The following NUP210 variants were observed in gnomAD, a reference collection of about 807,000 sequenced individuals.
The protein encoded by NUP210 is nucleoporin 210.
A neutral mutation model predicts 196.0 loss-of-function variants in NUP210; 151 were observed. The observed-to-expected ratio is 0.77, with a 90% CI of 0.67 to 0.88. NUP210 has a LOEUF of 0.88. NUP210 is among the 40% of genes least tolerant of loss of function. NUP210 has a pLI of 0.00. For synonymous variants in NUP210, 1,070 were observed against 1,052.7 expected, an observed-to-expected ratio of 1.02 and a Z score of -0.32; for missense variants, 2,314 against 2,493.7, an observed-to-expected ratio of 0.93 and a Z score of 1.53.
At chr3:13,352,867 G>A (rs1229992318) in intron 18 of NUP210, among the ~76,000 whole-genome samples, 2 of 152,006 alleles carry the variant, frequency 1.3e-5, no homozygotes, top group African/African-American at 2.4e-5. Flanking sequence ...GCAAGGGAGA[G>A]CAGCTCTCAG....
Position 13,386,394 on chromosome 3 carries a change from G to C in NUP210, c.698C>G (p.Ala233Gly), listed in dbSNP as rs777300280. The C allele has an allele frequency of 4.3e-6, 7 of 1,614,156 alleles. No individual in the cohort carries two copies. Among genetic ancestry groups the C allele is most frequent in the Non-Finnish European group, 5.9e-6 (7 of 1,180,030 alleles). The change falls in exon 6 of 40, where the codon GCA becomes GGA. Residue 233 changes from alanine (A) to glycine (G), a missense_variant. Ala to Gly is a moderately conservative substitution (Grantham distance 60). Coordinates refer to ENST00000254508, the MANE Select transcript of NUP210 (RefSeq NM_024923.4). ...TTCCAAAATCAGCAGCCTGACTTCTGCAGGGCGTACATTCTTGGCATAAAG... is the reference window on the plus strand; with the variant it reads ...TTCCAAAATCAGCAGCCTGACTTCTCCAGGGCGTACATTCTTGGCATAAAG... ...QEAVYKNVRP[A>G]EVRLLILENI...
At chr3:13,372,718 C>G (rs760636157) in intron 12 of NUP210, among the ~76,000 whole-genome samples, 8 of 152,180 alleles carry the variant, frequency 5.3e-5, no homozygotes, top group Non-Finnish European at 4.4e-5. Flanking sequence ...CTCAACCCCA[C>G]TCACCTGGCG....
In NUP210 at chr3:13,322,090, C is replaced by G. The variant is rs1243264267; in HGVS notation, c.4915+103G>C. 2.8e-6 allele frequency: 4 copies of G among 1,419,896 alleles called. No individual in the cohort carries two copies. In the African/African-American group the frequency reaches 4.2e-5, roughly 15 times the overall value. The allele number at this position is 1,419,896 out of a possible 1,614,324, so 88.0% of individuals were successfully genotyped here. A position where few individuals can be genotyped will look rare whatever the true frequency, so the allele number is the denominator to read the frequency against. ...CTGGGCTCCTGACAATCTCTGCCCT[C>G]TGGACAGACGGCCATGGTGAGCTGG... On this transcript the variant is annotated intron_variant, in intron 35 of 39. Transcript: ENST00000254508.
At position 13,327,361 on chromosome 3, in the gene NUP210, G is replaced by A; in HGVS notation, c.4363C>T (p.Leu1455=). The A allele has an allele frequency of 3.7e-6, 6 of 1,613,520 alleles. No homozygotes were observed. Among genetic ancestry groups the A allele is most frequent in the Non-Finnish European group, 5.1e-6 (6 of 1,180,016 alleles). Residue 1455 remains leucine (L), a synonymous_variant, in exon 32 of 40, where the codon CTG becomes TTG. Coordinates refer to ENST00000254508, the MANE Select transcript of NUP210 (RefSeq NM_024923.4). Reference sequence around the variant, plus strand: ...TGCTCTGCGTCCCACACACGGAGCAGTGTCAGGCCCACGCTGACTGTGCGG... The same window carrying A: ...TGCTCTGCGTCCCACACACGGAGCAATGTCAGGCCCACGCTGACTGTGCGG... ...VVRTVSVGLT[L]LRVWDAEHPG... is the part of the protein sequence containing the mutation.
chr3:13,370,259 T>C (rs1252732543), intron 13 of NUP210, among the ~76,000 whole-genome samples: 2 of 152,152 alleles, frequency 1.3e-5, no homozygotes, highest in African/African-American at 4.8e-5. Flanking sequence ...TAAGAGAAAT[T>C]TGACACCACA....
chr3:13,397,176 GT>G (rs1367269632), intron 3 of NUP210, among the ~76,000 whole-genome samples, 180 bp downstream of exon 3: 2 of 152,136 alleles, frequency 1.3e-5, no homozygotes, highest in Admixed American at 6.5e-5. Context: ...CACCTCAGAG[GT>G]GGTTTCTGCC....
Position 13,360,333 on chromosome 3 carries a change from G to A in NUP210, c.2091C>T (p.Pro697=), listed in dbSNP as rs751264209. 12 of 1,614,218 alleles carry A rather than the reference G, an allele frequency of 7.4e-6. No individual in the cohort carries two copies. Among genetic ancestry groups the A allele is most frequent in the East Asian group, 6.7e-5 (3 of 44,880 alleles). Residue 697 remains proline (P), a synonymous_variant, in exon 15 of 40, where the codon CCC becomes CCT. Coordinates refer to ENST00000254508, the MANE Select transcript of NUP210 (RefSeq NM_024923.4). ...TDSIGLALFA[P]HSSRNYQQHW... The stretch of plus-strand genomic sequence containing the variant: ...GTTGCTGATAATTCCGGGAGGAATG[G>A]GGGGCAAAGAGAGCCAGGCCGATGC...
chr3:13,374,223 CACTT>C (rs759070593), intron 11 of NUP210, among the ~76,000 whole-genome samples: 1 of 152,158 alleles, frequency 6.6e-6, no homozygotes, highest in African/African-American at 2.4e-5. Flanking sequence ...TACACATGCT[CACTT>C]ACATTTACCT....
intron 22 of NUP210, 34 bp from the exon 23 acceptor site, chr3:13,341,917 G>A (rs1697517352): frequency 1.2e-6 from 2 of 1,613,598 alleles, no homozygotes; most frequent in South Asian, 1.1e-5. Context: ...ACTTCTCCAA[G>A]ACCACCCCGT....
intron 20 of NUP210, among the ~76,000 whole-genome samples, chr3:13,344,163 CT>C (rs1230040883): frequency 6.6e-6 from 1 of 152,218 alleles, no homozygotes; most frequent in Non-Finnish European, 1.5e-5. Context: ...AAGAGCCCAC[CT>C]TTTAATCCTT....
chr3:13,348,911 T>TA lies in NUP210; in HGVS notation c.2835+2967dup, dbSNP rs1328944284. The stretch of plus-strand genomic sequence containing the variant: ...AAAAAAACTGAATTAAAAAACTTAT[T>TA]AAACAGGGGGTGTTTCACACAAAAA... On this transcript the variant is annotated intron_variant, in intron 20 of 39. Transcript: ENST00000254508. This position sits in a 1 kb window ranked among gnomAD's most constrained non-coding sequence, Gnocchi z 4.0. 1 of 985,038 alleles carries TA rather than the reference T, an allele frequency of 1.0e-6. No homozygotes were observed. The highest frequency in any genetic ancestry group is 1.2e-6 in the Non-Finnish European group (1 of 829,716). The allele number at this position is 985,038 out of a possible 1,614,324, so 61.0% of individuals were successfully genotyped here.
At chr3:13,418,561 G>A (rs1700421647) in intron 1 of NUP210, among the ~76,000 whole-genome samples, 1 of 151,934 alleles carries the variant, frequency 6.6e-6, no homozygotes. Flanking sequence ...AGACCAGCCT[G>A]GCCAACACAG....
chr3:13,371,482 G>A lies in NUP210; in HGVS notation c.1786+352C>T, dbSNP rs1182334670. On this transcript the variant is annotated intron_variant, in intron 13 of 39. Transcript: ENST00000254508. The stretch of plus-strand genomic sequence containing the variant: ...GATGGGTGGGCCTTGCCTGTCACAG[G>A]TGAGAGGACCCTAGAATTAACCAAA... Among the ~76,000 whole-genome samples the A allele has an allele frequency of 2.0e-5, 3 of 152,208 alleles. No homozygotes were observed. The East Asian group carries it at 5.8e-4, about 29-fold the overall frequency.
chr3:13,373,690 A>G, intron 12 of NUP210, 28 bp downstream of exon 12: 1 of 1,612,392 alleles, frequency 6.2e-7, no homozygotes, highest in Non-Finnish European at 8.5e-7. Flanking sequence ...CGAGCCTCCC[A>G]GGGGGTGTCT....
Position 13,340,463 on chromosome 3 carries a change from T to G in NUP210, c.3229-165A>C, listed in dbSNP as rs1324817380. On this transcript the variant is annotated intron_variant, in intron 23 of 39. Coordinates refer to ENST00000254508, the MANE Select transcript of NUP210 (RefSeq NM_024923.4). The surrounding 1 kb of genome is among the most constrained non-coding windows in gnomAD (Gnocchi z 4.0). ...AGGGTCCTGGGCCAATGCTGGGGGCTGTCTCCCAGCCACTGGCCGAGGCTC... is the reference window on the plus strand; with the variant it reads ...AGGGTCCTGGGCCAATGCTGGGGGCGGTCTCCCAGCCACTGGCCGAGGCTC... Among the ~76,000 whole-genome samples, 2 of 152,186 alleles carry G rather than the reference T, an allele frequency of 1.3e-5. No homozygotes were observed. Among genetic ancestry groups the G allele is most frequent in the Non-Finnish European group, 2.9e-5 (2 of 68,022 alleles).
At chr3:13,368,886 G>A (rs1698631061) in intron 13 of NUP210, among the ~76,000 whole-genome samples, 1 of 152,218 alleles carries the variant, frequency 6.6e-6, no homozygotes, top group Non-Finnish European at 1.5e-5. Flanking sequence ...ACACTGCCAT[G>A]AACATGGGTG....
At chr3:13,349,619 A>C (rs1697896143) in intron 20 of NUP210, among the ~76,000 whole-genome samples, 1 of 152,240 alleles carries the variant, frequency 6.6e-6, no homozygotes, top group Admixed American at 6.5e-5. Context: ...CACTGTGCCC[A>C]GCACCATAGC....
At chr3:13,342,194 A>C in intron 21 of NUP210, 71 bp from the exon 22 acceptor site, 1 of 1,576,666 alleles carries the variant, frequency 6.3e-7, no homozygotes, top group Non-Finnish European at 8.6e-7. Flanking sequence ...GTGCTCCGTG[A>C]CTTTCTGAGA....
rs760895121 is a variant in NUP210, at chr3:13,365,952, G to A, written c.1926C>T (p.Pro642=). Residue 642 remains proline, a synonymous_variant, in exon 14 of 40, where the codon CCC becomes CCT. Coordinates refer to ENST00000254508, the MANE Select transcript of NUP210 (RefSeq NM_024923.4). ...GGCAGGGCCCCTGGCTCACCTTGAG[G>A]GGCAGGTAGGCAGCAATGGTGATCT... The part of the protein sequence containing the change: ...SAKITIAAYL[P]LKAVDPSSVA... The A allele has an allele frequency of 6.2e-7, 1 of 1,614,088 alleles. No individual in the cohort carries two copies. The highest frequency in any genetic ancestry group is 1.1e-5 in the South Asian group (1 of 91,088).
Sources: allele counts gnomAD v4.1 joint callset (sites outside exome capture counted in the v4.1 genomes callset), GRCh38; gene constraint gnomAD v4.1.1; non-coding constraint Gnocchi (gnomAD v3.1); transcripts MANE v1.5; gene names NCBI Gene and HGNC (gene_info 2026-07-23, HGNC 2026-07-21).